The following SYTL3 variants were observed in gnomAD, a reference collection of about 807,000 sequenced individuals.
The protein encoded by SYTL3 is synaptotagmin like 3.
Under a neutral mutation model 82.1 loss-of-function variants are expected in SYTL3, and 88 were observed. The ratio of observed to expected loss-of-function variants is 1.07; its 90% CI spans 0.90 to 1.28. SYTL3 has a LOEUF of 1.28. SYTL3 is among the 50% of genes most tolerant of loss of function. The pLI, the probability that SYTL3 is intolerant of heterozygous loss-of-function variation, is 0.00. For missense variants in SYTL3, 831 were observed against 757.6 expected (o/e 1.10, Z -1.14); for synonymous variants, 311 against 289.4 (o/e 1.07, Z -0.76).
chr6:158,760,233 G>A (rs1489628812), intron 14 of SYTL3, among the ~76,000 whole-genome samples: 1 of 152,210 alleles, frequency 6.6e-6, no homozygotes, highest in African/African-American at 2.4e-5. Flanking sequence ...GTCTGTGCCA[G>A]TCCTTGGCAT....
At chr6:158,760,407 T>C (rs1789748631) in intron 14 of SYTL3, among the ~76,000 whole-genome samples, 2 of 152,166 alleles carry the variant, frequency 1.3e-5, no homozygotes, top group East Asian at 1.9e-4. Context: ...CTCATCTGGC[T>C]CTGGTTCGCT....
chr6:158,675,601 G>A (rs551196732), intron 5 of SYTL3, among the ~76,000 whole-genome samples: 46 of 152,226 alleles, frequency 3.0e-4, no homozygotes, highest in Admixed American at 2.4e-3. Flanking sequence ...ATCACCTGAG[G>A]TTGGGAGTTC....
intron 7 of SYTL3, among the ~76,000 whole-genome samples, chr6:158,707,862 CTT>C (rs1316512919): frequency 1.3e-5 from 2 of 152,208 alleles, no homozygotes; most frequent in East Asian, 1.9e-4. Flanking sequence ...AATATCGAGA[CTT>C]TTTCATTTTT....
intron 11 of SYTL3, among the ~76,000 whole-genome samples, chr6:158,730,253 A>G (rs1343512736): frequency 2.0e-5 from 3 of 152,246 alleles, no homozygotes; most frequent in South Asian, 2.1e-4. Context: ...GCTCCAGCCA[A>G]TGGAGACAAA....
intron 11 of SYTL3, among the ~76,000 whole-genome samples, chr6:158,737,026 A>G (rs1203484937): frequency 2.8e-5 from 4 of 143,930 alleles, no homozygotes; most frequent in African/African-American, 1.1e-4. Context: ...CTCTTTTGTT[A>G]TACATTTCAT....
At chr6:158,705,891 C>A (rs1372710320) in intron 6 of SYTL3, among the ~76,000 whole-genome samples, 2 of 152,142 alleles carry the variant, frequency 1.3e-5, no homozygotes, top group African/African-American at 2.4e-5. Context: ...TCTGTGCTCG[C>A]CCCAGGATGG....
chr6:158,758,050 G>A (rs892791819), intron 14 of SYTL3, among the ~76,000 whole-genome samples: 1 of 152,204 alleles, frequency 6.6e-6, no homozygotes, highest in African/African-American at 2.4e-5. Context: ...CGGAGACGCT[G>A]CTTTGTACTT....
chr6:158,673,836 C>A (rs1459147510), intron 5 of SYTL3, among the ~76,000 whole-genome samples: 2 of 150,914 alleles, frequency 1.3e-5, no homozygotes, highest in African/African-American at 4.9e-5. Context: ...GTTATCCCAG[C>A]ACTTTGGGAG....
At chr6:158,749,306 T>C (rs1283643560) in intron 12 of SYTL3, among the ~76,000 whole-genome samples, 1 of 137,336 alleles carries the variant, frequency 7.3e-6, no homozygotes, top group Admixed American at 7.9e-5. Flanking sequence ...GGTGGGAGAA[T>C]CACCTCAGCC....
At chr6:158,746,270 C>T (rs1787626810) in intron 12 of SYTL3, among the ~76,000 whole-genome samples, 1 of 151,874 alleles carries the variant, frequency 6.6e-6, no homozygotes, top group Non-Finnish European at 1.5e-5. Context: ...CATAAACATT[C>T]AGTTGTGGAG....
At position 158,682,958 on chromosome 6, in the gene SYTL3, T is replaced by A; in HGVS notation, c.363T>A (p.Tyr121Ter). Residue 121 changes from tyrosine to a stop codon, truncating the protein, a stop_gained, in exon 6 of 18, where the codon TAT becomes TAA. Transcript: ENST00000611299. LOFTEE classifies it high-confidence loss of function. ...AAATAAAAACTGGAGAATGGTTCTA[T>A]GAGGAACGAGCCAAGAAATTTCCAA... ...NVKIKTGEWF[Y>*]EERAKKFPTG... 6.2e-7 allele frequency: 1 copy of A among 1,613,620 alleles called. No individual in the cohort carries two copies. Among genetic ancestry groups the A allele is most frequent in the Non-Finnish European group, 8.5e-7 (1 of 1,179,560 alleles).
At chr6:158,728,712 G>A (rs1218185234) in intron 11 of SYTL3, among the ~76,000 whole-genome samples, 1 of 151,074 alleles carries the variant, frequency 6.6e-6, no homozygotes, top group Admixed American at 6.6e-5. Context: ...AGGCCAAGGC[G>A]GGTGGATCAT....
intron 2 of SYTL3, among the ~76,000 whole-genome samples, chr6:158,654,266 G>T (rs1212690556): frequency 6.6e-6 from 1 of 152,220 alleles, no homozygotes; most frequent in Non-Finnish European, 1.5e-5. Context: ...GTGTGTCCAT[G>T]TTCTGGCTGG....
At chr6:158,653,791 G>A (rs138944161) in intron 2 of SYTL3, among the ~76,000 whole-genome samples, 110 of 152,292 alleles carry the variant, frequency 7.2e-4, no homozygotes, top group Non-Finnish European at 1.3e-3. Context: ...ACATTCACAC[G>A]CACTCATGCT....
At chr6:158,734,673 C>A (rs999278723) in intron 11 of SYTL3, among the ~76,000 whole-genome samples, 2 of 152,090 alleles carry the variant, frequency 1.3e-5, no homozygotes, top group Admixed American at 6.6e-5. Context: ...CTATGTTAAT[C>A]CATGTCCTCA....
intron 6 of SYTL3, among the ~76,000 whole-genome samples, chr6:158,683,382 G>A (rs1162091999): frequency 6.6e-6 from 1 of 151,994 alleles, no homozygotes; most frequent in Non-Finnish European, 1.5e-5. Context: ...CACCACAGTC[G>A]GCTAATTTTT....
Position 158,662,121 on chromosome 6 carries a change from A to AT in SYTL3, c.-519-621dup, listed in dbSNP as rs555235270. Among the ~76,000 whole-genome samples the AT allele has an allele frequency of 3.3e-5, 5 of 152,156 alleles. No individual in the cohort carries two copies. In the East Asian group the frequency reaches 7.7e-4, roughly 23 times the overall value. On this transcript the variant is annotated intron_variant, in intron 3 of 17. Transcript: ENST00000611299. Reference sequence around the variant, plus strand: ...TGGATCATAAATTAATATAATGCAGATTTTTTTTGAAGCCTAGCAAAGGAA... The same window carrying AT: ...TGGATCATAAATTAATATAATGCAGATTTTTTTTTGAAGCCTAGCAAAGGAA...
At chr6:158,691,055 G>C (rs1485995576) in intron 6 of SYTL3, among the ~76,000 whole-genome samples, 3 of 152,126 alleles carry the variant, frequency 2.0e-5, no homozygotes, top group Admixed American at 6.6e-5. Context: ...GGGTTCAAGA[G>C]TGAATGTTTG....
intron 6 of SYTL3, among the ~76,000 whole-genome samples, chr6:158,696,157 C>T (rs959601214): frequency 6.6e-6 from 1 of 152,140 alleles, no homozygotes; most frequent in Non-Finnish European, 1.5e-5. Flanking sequence ...ACTAGCAATG[C>T]ACAAGGGTTC....
Sources: gnomAD v4.1 joint callset for allele counts (sites outside exome capture counted in the v4.1 genomes callset) on GRCh38, gnomAD v4.1.1 for gene constraint, MANE v1.5 for transcripts, NCBI Gene and HGNC (gene_info 2026-07-23, HGNC 2026-07-21) for gene names.